LETM1: variants seen among roughly 807,000 people sequenced by gnomAD.
LETM1 encodes leucine zipper and EF-hand containing transmembrane protein 1, also known as mitochondrial proton/calcium exchanger protein.
LETM1 carries 50 observed loss-of-function variants against 74.5 expected under a neutral mutation model. The observed-to-expected ratio is 0.67, with a 90% CI of 0.53 to 0.85. LETM1 has a LOEUF of 0.85. LETM1 is among the 40% of genes least tolerant of loss of function. The pLI is 0.00. For synonymous variants in LETM1, 446 were observed against 407.1 expected, an observed-to-expected ratio of 1.10 and a Z score of -1.15; for missense variants, 824 against 967.8, an observed-to-expected ratio of 0.85 and a Z score of 1.97.
At chr4:1,838,818 A>AT (rs1712579345) in intron 3 of LETM1, among the ~76,000 whole-genome samples, 1 of 152,168 alleles carries the variant, frequency 6.6e-6, no homozygotes, top group Non-Finnish European at 1.5e-5. Flanking sequence ...AGTGGACTCG[A>AT]TTCCCACATA....
Position 1,832,971 on chromosome 4 carries a change from A to G in LETM1, c.877-24T>C, listed in dbSNP as rs777367675. 2.5e-6 allele frequency: 4 copies of G among 1,610,316 alleles called. No individual in the cohort carries two copies. In the Admixed American group the frequency reaches 6.7e-5, roughly 27 times the overall value. The stretch of plus-strand genomic sequence containing the variant: ...ATCTGCGGAAGTGGTCACAAGGGTC[A>G]TCCCCGGGACACGCGCCCACCCGGC... On this transcript the variant is annotated intron_variant, in intron 5 of 13. Transcript: ENST00000302787.
At chr4:1,832,984 G>A (rs112986789) in intron 5 of LETM1, 37 bp from the exon 6 acceptor site, 59 of 1,598,284 alleles carry the variant, frequency 3.7e-5, no homozygotes, top group African/African-American at 9.4e-5. Flanking sequence ...CCCGGGACAC[G>A]CGCCCACCCG....
chr4:1,821,877 A>G (rs1235235654), intron 10 of LETM1, among the ~76,000 whole-genome samples: 1 of 152,170 alleles, frequency 6.6e-6, no homozygotes, highest in East Asian at 1.9e-4. Flanking sequence ...AAGCTGGCAA[A>G]GGGCCCTGAA....
At chr4:1,838,340 G>A (rs764844322) in intron 3 of LETM1, among the ~76,000 whole-genome samples, 4 of 151,664 alleles carry the variant, frequency 2.6e-5, no homozygotes, top group Non-Finnish European at 5.9e-5. Flanking sequence ...CCTCATGATC[G>A]GCCCGCCTCG....
chr4:1,839,156 G>C (rs566020014), intron 3 of LETM1: 32 of 152,334 alleles, frequency 2.1e-4, no homozygotes, highest in Non-Finnish European at 4.6e-4. Flanking sequence ...GAACCGTGAA[G>C]GACAGCAGGA....
intron 7 of LETM1, among the ~76,000 whole-genome samples, chr4:1,824,941 C>T (rs1207787743): frequency 6.6e-6 from 1 of 152,400 alleles, no homozygotes; most frequent in South Asian, 2.1e-4. Context: ...CCTTCATCTA[C>T]ACTTGCAGGT....
chr4:1,836,535 G>T lies in LETM1; in HGVS notation c.632C>A (p.Pro211Gln). Residue 211 changes from proline to glutamine, a missense_variant, in exon 4 of 14, where the codon CCG becomes CAG. Pro to Gln is a moderately conservative substitution (Grantham distance 76, BLOSUM62 -1). Coordinates refer to ENST00000302787, the MANE Select transcript of LETM1 (RefSeq NM_012318.3). The surrounding 1 kb of genome is among the most constrained non-coding windows in gnomAD (Gnocchi z 5.8). ...RICADLFRLVPFLVFVVVPFM... is the reference protein window; with the variant it reads ...RICADLFRLVQFLVFVVVPFM... ...CGGCACCACCACGAACACAAGGAAC[G>T]GCACCAGGCGGAAGAGGTCAGCGCA... 6.2e-7 allele frequency: 1 copy of T among 1,613,936 alleles called. No homozygotes were observed. The highest frequency in any genetic ancestry group is 8.5e-7 in the Non-Finnish European group (1 of 1,179,998).
chr4:1,845,098 G>A (rs1344553871), intron 2 of LETM1, among the ~76,000 whole-genome samples: 1 of 152,140 alleles, frequency 6.6e-6, no homozygotes, highest in Non-Finnish European at 1.5e-5. Flanking sequence ...GCTGAGGCAG[G>A]AGAATTGCTT....
Position 1,819,437 on chromosome 4 carries a change from G to A in LETM1, c.1644C>T (p.Leu548=). 1.2e-6 allele frequency: 2 copies of A among 1,613,558 alleles called. No individual in the cohort carries two copies. The highest frequency in any genetic ancestry group is 1.3e-5 in the African/African-American group (1 of 74,994). ...CCTGCAGCTTAGAGCAGGCATCGCT[G>A]AGGATGTCGATTTCCTCCTTCGTGA... is the stretch of plus-strand genomic sequence containing the variant. ...EEITKEEIDI[L]SDACSKLQEQ... The change falls in exon 11 of 14, where the codon CTC becomes CTT. Residue 548 remains leucine, a synonymous_variant. Transcript: ENST00000302787.
intron 2 of LETM1, among the ~76,000 whole-genome samples, chr4:1,847,027 T>C (rs1712903431): frequency 6.6e-6 from 1 of 151,972 alleles, no homozygotes; most frequent in South Asian, 2.1e-4. Flanking sequence ...ATGCAATGCA[T>C]GTGGCCTATA....
chr4:1,841,514 G>C lies in LETM1; in HGVS notation c.427C>G (p.Pro143Ala), dbSNP rs563564100. 19 of 1,614,218 alleles carry C rather than the reference G, an allele frequency of 1.2e-5. No individual in the cohort carries two copies. The highest frequency in any genetic ancestry group is 1.0e-4 in the Admixed American group (6 of 60,030). The change falls in exon 3 of 14, where the codon CCC becomes GCC. Residue 143 changes from proline to alanine, a missense_variant. Coordinates refer to ENST00000302787, the MANE Select transcript of LETM1 (RefSeq NM_012318.3). The stretch of plus-strand genomic sequence containing the variant: ...TTCTTCACCACCACCTCTGCGGGGG[G>C]GCTGTACACCGGGCCGCCTTCCTCC... ...KLEEGGPVYS[P>A]PAEVVVKKSL...
chr4:1,816,725 AC>A lies in LETM1; in HGVS notation c.1931+1del. On this transcript the variant is annotated splice_donor_variant, in intron 12 of 13. Transcript: ENST00000302787. LOFTEE classifies it high-confidence loss of function. Reference sequence around the variant, plus strand: ...CTCTCCCGCGCCCACCACCCCACTCACCCCGTGGGCATGCCGTTGGCCGGGG... The same window carrying A: ...CTCTCCCGCGCCCACCACCCCACTCACCCGTGGGCATGCCGTTGGCCGGGG... 1.2e-6 allele frequency: 2 copies of A among 1,612,356 alleles called. No homozygotes were observed. The highest frequency in any genetic ancestry group is 1.7e-6 in the Non-Finnish European group (2 of 1,178,760).
chr4:1,841,928 C>G lies in LETM1; in HGVS notation c.144-131G>C, dbSNP rs531048984. 6.9e-5 allele frequency: 49 copies of G among 709,164 alleles called. 2 individuals carry two copies. In the South Asian group the frequency reaches 8.1e-4, roughly 12 times the overall value. The allele number at this position is 709,164 out of a possible 1,614,324, so 43.9% of individuals were successfully genotyped here. A position where few individuals can be genotyped will look rare whatever the true frequency, so the allele number is the denominator to read the frequency against. On this transcript the variant is annotated intron_variant, in intron 2 of 13. Transcript: ENST00000302787. ...CATGTCACAACCACACACAATCCCACCTACTTCCTGACGTTTTGCACTGCC... is the reference window on the plus strand; with the variant it reads ...CATGTCACAACCACACACAATCCCAGCTACTTCCTGACGTTTTGCACTGCC...
At position 1,825,664 on chromosome 4, in the gene LETM1, A is replaced by G; in HGVS notation, c.1100T>C (p.Val367Ala). 6.2e-7 allele frequency: 1 copy of G among 1,613,578 alleles called. No homozygotes were observed. The highest frequency in any genetic ancestry group is 1.1e-5 in the South Asian group (1 of 91,056). Residue 367 changes from valine to alanine, a missense_variant, in exon 7 of 14, where the codon GTG becomes GCG. Physicochemically the swap from Val to Ala is moderately conservative, Grantham distance 64. This residue lies in a region of LETM1 where 269 missense variants were observed against 348.8 expected (regional missense o/e 0.77). Coordinates refer to ENST00000302787, the MANE Select transcript of LETM1 (RefSeq NM_012318.3). ...CAGCTCCTTGACATTCAGGCTGTCC[A>G]CCCCTTCCTCAGCAATCAGCTAGAA... Reference protein sequence around the residue: ...ADDKLIAEEGVDSLNVKELQA... With the variant: ...ADDKLIAEEGADSLNVKELQA...
intron 11 of LETM1, among the ~76,000 whole-genome samples, chr4:1,819,014 G>A (rs931278443): frequency 6.6e-6 from 1 of 151,794 alleles, no homozygotes; most frequent in Non-Finnish European, 1.5e-5. Flanking sequence ...AACCCAGGAG[G>A]TGGAGGTTGC....
chr4:1,819,376 G>C lies in LETM1; in HGVS notation c.1705C>G (p.Leu569Val), dbSNP rs1235283342. 4 of 1,613,588 alleles carry C rather than the reference G, an allele frequency of 2.5e-6. No individual in the cohort carries two copies. The Admixed American group carries it at 5.0e-5, about 20-fold the overall frequency. The change falls in exon 11 of 14, where the codon CTG becomes GTG. Residue 569 changes from leucine (L) to valine (V), a missense_variant. Physicochemically the swap from Leu to Val is conservative, Grantham distance 32. This residue lies in a region of LETM1 where 161 missense variants were observed against 252.7 expected (regional missense o/e 0.64). Coordinates refer to ENST00000302787, the MANE Select transcript of LETM1 (RefSeq NM_012318.3). ...KKSLTKEKEE[L>V]ELLKEDVQDY... ...TGCACATCCTCCTTCAGCAGCTCCA[G>C]CTCCTCCTTCTCCTTGGTGAGTGAC...
In LETM1 at chr4:1,823,011, G is replaced by A. The variant is rs573075361; in HGVS notation, c.1453C>T (p.Leu485=). 1.2e-6 allele frequency: 2 copies of A among 1,604,388 alleles called. No individual in the cohort carries two copies. Among genetic ancestry groups the A allele is most frequent in the African/African-American group, 1.3e-5 (1 of 74,616 alleles). Residue 485 remains leucine, a synonymous_variant, in exon 9 of 14, where the codon CTG becomes TTG. Coordinates refer to ENST00000302787, the MANE Select transcript of LETM1 (RefSeq NM_012318.3). ...ACCGCCACCTCCGAGCGCTTCTGCA[G>A]CTCCTTCTCACGGTGCTCCTGCTGG... is the stretch of plus-strand genomic sequence containing the variant. The part of the protein sequence containing the change: ...AIQQEHREKE[L]QKRSEVAKDF...
intron 11 of LETM1, 70 bp from the exon 12 acceptor site, chr4:1,816,984 G>A (rs542724566): frequency 3.9e-5 from 51 of 1,305,344 alleles, no homozygotes; most frequent in African/African-American, 2.3e-4. Flanking sequence ...AGTGGCTCAC[G>A]CCTGTAATCC....
intron 7 of LETM1, 75 bp from the exon 8 acceptor site, chr4:1,823,850 A>T: frequency 6.8e-7 from 1 of 1,471,294 alleles, no homozygotes. Context: ...CGCCCATCTC[A>T]TCACCAGAAT....
Sources: allele counts gnomAD v4.1 joint callset (sites outside exome capture counted in the v4.1 genomes callset), GRCh38; gene constraint gnomAD v4.1.1; regional missense constraint gnomAD v4.1.1; non-coding constraint Gnocchi (gnomAD v3.1); transcripts MANE v1.5; gene names NCBI Gene and HGNC (gene_info 2026-07-23, HGNC 2026-07-21).